Variants in MDN1 observed in about 807,000 individuals in gnomAD.
MDN1 encodes midasin AAA ATPase 1, also known as midasin.
MDN1 carries 266 observed loss-of-function variants against 669.2 expected under a neutral mutation model. The observed-to-expected ratio is 0.40, with a 90% CI of 0.36 to 0.44. MDN1 has a LOEUF of 0.44. MDN1 is among the 20% of genes least tolerant of loss of function. MDN1 has a pLI of 1.00. For synonymous variants in MDN1, 2,385 were observed against 2,457.1 expected (o/e 0.97, Z 0.87); for missense variants, 5,940 against 6,754.0 (o/e 0.88, Z 4.22).
chr6:89,716,042 T>A (rs998608841), intron 44 of MDN1, among the ~76,000 whole-genome samples: 3 of 152,208 alleles, frequency 2.0e-5, no homozygotes, highest in Non-Finnish European at 2.9e-5. Context: ...CCTTGCACTA[T>A]AACCTTTTCA....
chr6:89,797,737 C>G (rs1289129865), intron 2 of MDN1: 1 of 399,502 alleles, frequency 2.5e-6, no homozygotes, highest in African/African-American at 2.1e-5. Flanking sequence ...TTAAAAATGA[C>G]AAAACAGAAG....
chr6:89,648,169 C>A (rs1410512518), intron 98 of MDN1, 23 bp from the exon 99 acceptor site: 6 of 1,607,766 alleles, frequency 3.7e-6, no homozygotes, highest in African/African-American at 1.3e-5. Flanking sequence ...AAACCAAATA[C>A]AACAGGAGTT....
chr6:89,678,228 C>T (rs972922094), intron 75 of MDN1, among the ~76,000 whole-genome samples: 11 of 152,134 alleles, frequency 7.2e-5, no homozygotes, highest in Non-Finnish European at 1.6e-4. Flanking sequence ...GCCAAAATCA[C>T]GCCATTGCAC....
rs765252369 is a variant in MDN1, at chr6:89,772,676, G to A, written c.1980C>T (p.Ile660=). 5 of 1,613,940 alleles carry A rather than the reference G, an allele frequency of 3.1e-6. No homozygotes were observed. The African/African-American group carries it at 4.0e-5, about 13-fold the overall frequency. Reference sequence around the variant, plus strand: ...TGCTGACACACACTGCAAGCTGCTCGATGAGAACAGAGGACGGCCGTGTAG... The same window carrying A: ...TGCTGACACACACTGCAAGCTGCTCAATGAGAACAGAGGACGGCCGTGTAG... The part of the protein sequence containing the change: ...FAATRPSSVL[I]EQLAVCVSKG... The change falls in exon 14 of 102, where the codon ATC becomes ATT. Residue 660 remains isoleucine, a synonymous_variant. Coordinates refer to ENST00000369393, the MANE Select transcript of MDN1 (RefSeq NM_014611.3).
chr6:89,656,213 T>C (rs911472097), intron 91 of MDN1, among the ~76,000 whole-genome samples: 2 of 152,160 alleles, frequency 1.3e-5, no homozygotes, highest in African/African-American at 4.8e-5. Flanking sequence ...ATATATGTCA[T>C]ATATGCAGAA....
chr6:89,716,433 GCTGAAAATTATCATA>G (rs1291796519), intron 44 of MDN1, among the ~76,000 whole-genome samples: 1 of 152,218 alleles, frequency 6.6e-6, no homozygotes, highest in East Asian at 1.9e-4. Context: ...CTTTGCTTTG[GCTGAAAATTATCATA>G]CAGAGCTGAA....
At position 89,646,687 on chromosome 6, in the gene MDN1, T is replaced by C. The variant is rs879024359; in HGVS notation, c.16396-84A>G. On this transcript the variant is annotated intron_variant, in intron 99 of 101. Transcript: ENST00000369393. ...AAAGAGACTGATAGTATTTCTGACATTGAAGTGATTATCAGATAACCACCT... is the reference window on the plus strand; with the variant it reads ...AAAGAGACTGATAGTATTTCTGACACTGAAGTGATTATCAGATAACCACCT... The C allele has an allele frequency of 2.0e-5, 24 of 1,198,992 alleles. No homozygotes were observed. In the South Asian group the frequency reaches 2.3e-4, roughly 11 times the overall value. 74.3% of individuals were successfully genotyped at this position (1,198,992 alleles called of 1,614,324 possible).
At position 89,725,179 on chromosome 6, in the gene MDN1, A is replaced by G; in HGVS notation, c.5670+20T>C. The G allele has an allele frequency of 6.2e-7, 1 of 1,612,138 alleles. No individual in the cohort carries two copies. Among genetic ancestry groups the G allele is most frequent in the South Asian group, 1.1e-5 (1 of 90,988 alleles). On this transcript the variant is annotated intron_variant, in intron 38 of 101. Coordinates refer to ENST00000369393, the MANE Select transcript of MDN1 (RefSeq NM_014611.3). ...CCCTCCGAGTCTATCTTTGGTCTCT[A>G]TGGCAACAGCAAATCTTACCTGAGT...
chr6:89,711,954 G>A, intron 49 of MDN1, 82 bp downstream of exon 49: 2 of 1,263,452 alleles, frequency 1.6e-6, no homozygotes, highest in Non-Finnish European at 2.2e-6. Flanking sequence ...TGTAGTCACA[G>A]ATTAACACAG....
intron 57 of MDN1, 103 bp from the exon 58 acceptor site, chr6:89,699,830 T>G: frequency 7.6e-7 from 1 of 1,313,192 alleles, no homozygotes; most frequent in Non-Finnish European, 1.1e-6. Flanking sequence ...TACAGTACAT[T>G]TATCTAAAAA....
rs1405377926 is a variant in MDN1, at chr6:89,642,780, TCAA to T, written c.*1222_*1224del. The T allele has an allele frequency of 6.6e-6, 1 of 152,206 alleles. No homozygotes were observed. Among genetic ancestry groups the T allele is most frequent in the Non-Finnish European group, 1.5e-5 (1 of 68,028 alleles). The allele number at this position is 152,206 out of a possible 1,614,324, so 9.4% of individuals were successfully genotyped here. On this transcript the variant is annotated 3_prime_UTR_variant, in exon 102 of 102. Coordinates refer to ENST00000369393, the MANE Select transcript of MDN1 (RefSeq NM_014611.3). ...CCATTAAGAAGAGTCACAAATTACA[TCAA>T]CAACAGTGGTATATGTTTTAATAGT...
chr6:89,738,646 C>T (rs1816128889), intron 32 of MDN1, among the ~76,000 whole-genome samples, 191 bp from the exon 33 acceptor site: 1 of 152,052 alleles, frequency 6.6e-6, no homozygotes, highest in Admixed American at 6.6e-5. Flanking sequence ...TGACACCTTC[C>T]AGTATCATCA....
At chr6:89,723,488 A>G in intron 39 of MDN1, 24 bp downstream of exon 39, 1 of 1,347,372 alleles carries the variant, frequency 7.4e-7, no homozygotes, top group Non-Finnish European at 1.0e-6. Flanking sequence ...AAAAAAAAAG[A>G]AACCAATACG....
Position 89,692,589 on chromosome 6 carries a change from C to T in MDN1, c.10441G>A (p.Gly3481Arg). 1 of 1,614,250 alleles carries T rather than the reference C, an allele frequency of 6.2e-7. No homozygotes were observed. Among genetic ancestry groups the T allele is most frequent in the Non-Finnish European group, 8.5e-7 (1 of 1,180,042 alleles). ...TGGCCCTTGCCTTCCAGCTCCTTTCCTCCTGAGCGCTTGAGGATTAGCTTC... is the reference window on the plus strand; with the variant it reads ...TGGCCCTTGCCTTCCAGCTCCTTTCTTCCTGAGCGCTTGAGGATTAGCTTC... Reference protein sequence around the residue: ...LGKLILKRSGGKELEGKGQKA... With the variant: ...LGKLILKRSGRKELEGKGQKA... Residue 3481 changes from glycine (G) to arginine (R), a missense_variant, in exon 63 of 102, where the codon GGA (glycine) becomes AGA (arginine). This residue lies in a region of MDN1 where 2,280 missense variants were observed against 2,576.3 expected (regional missense o/e 0.88). Transcript: ENST00000369393.
chr6:89,752,160 A>G (rs1056704842), intron 22 of MDN1, among the ~76,000 whole-genome samples: 3 of 152,206 alleles, frequency 2.0e-5, no homozygotes, highest in Non-Finnish European at 4.4e-5. Flanking sequence ...TAACTATGGA[A>G]AAGTACTCTT....
rs115492868 is a variant in MDN1 at position 89,743,581 on chromosome 6, C to A, written c.4312G>T (p.Asp1438Tyr). 6.2e-7 allele frequency: 1 copy of A among 1,613,496 alleles called. No homozygotes were observed. ...ACACTTGCTGCTGGACAAACCTTGT[C>A]GTTTGGCTTTTGTCTCACTGGCCGC... ...GLRPVRQKPNDKEEIDTSRLF... is the reference protein window; with the variant it reads ...GLRPVRQKPNYKEEIDTSRLF... The change falls in exon 30 of 102, where the codon GAC becomes TAC. Residue 1438 changes from aspartate (D) to tyrosine (Y), a missense_variant. This residue lies in a region of MDN1 where 2,292 missense variants were observed against 2,638.3 expected (regional missense o/e 0.87). Coordinates refer to ENST00000369393, the MANE Select transcript of MDN1 (RefSeq NM_014611.3).
rs768202341 is a variant in MDN1 at position 89,723,543 on chromosome 6, A to G, written c.5747T>C (p.Ile1916Thr). The G allele has an allele frequency of 1.4e-5, 23 of 1,595,380 alleles. No homozygotes were observed. Among genetic ancestry groups the G allele is most frequent in the Middle Eastern group, 1.7e-4 (1 of 6,032 alleles). ...ATTGAAAGCAACCATTTTCTTAACAATATTTTTCTCAATGGCTGGAAACAA... is the reference window on the plus strand; with the variant it reads ...ATTGAAAGCAACCATTTTCTTAACAGTATTTTTCTCAATGGCTGGAAACAA... Reference protein sequence around the residue: ...STLFPAIEKNIVKKMVAFNNQ... With the variant: ...STLFPAIEKNTVKKMVAFNNQ... The change falls in exon 39 of 102, where the codon ATT (isoleucine) becomes ACT (threonine). Residue 1916 changes from isoleucine to threonine, a missense_variant. Ile to Thr is a moderately conservative substitution (Grantham distance 89). Transcript: ENST00000369393.
intron 95 of MDN1, among the ~76,000 whole-genome samples, chr6:89,651,713 C>T (rs1359386031): frequency 6.6e-6 from 1 of 152,202 alleles, no homozygotes; most frequent in Non-Finnish European, 1.5e-5. Flanking sequence ...TGGCAGAGCA[C>T]TGAATACATA....
Position 89,794,787 on chromosome 6 carries a change from T to C in MDN1, c.344A>G (p.Tyr115Cys). The change falls in exon 3 of 102, where the codon TAT becomes TGT. Residue 115 changes from tyrosine (Y) to cysteine (C), a missense_variant. Transcript: ENST00000369393. ...HPDVLPFALR[Y>C]FKDTSPVFQR... is the part of the protein sequence containing the mutation. ...AAAGACTGGGGATGTGTCCTTGAAA[T>C]ATCTCAGGGCAAACCTTCAAACACA... The C allele has an allele frequency of 6.2e-7, 1 of 1,614,118 alleles. No homozygotes were observed. Among genetic ancestry groups the C allele is most frequent in the Non-Finnish European group, 8.5e-7 (1 of 1,179,940 alleles).
Sources: gnomAD v4.1 joint callset for allele counts (sites outside exome capture counted in the v4.1 genomes callset) on GRCh38, gnomAD v4.1.1 for gene constraint, gnomAD v4.1.1 regional missense constraint, MANE v1.5 for transcripts, NCBI Gene and HGNC (gene_info 2026-07-23, HGNC 2026-07-21) for gene names.